The following ZNF317 variants were observed in gnomAD, a reference collection of about 807,000 sequenced individuals.
ZNF317 encodes the protein KRAB-containing zinc finger protein 317.
In ZNF317, 17 loss-of-function variants were observed where a neutral mutation model predicts 23.4. That is an observed-to-expected ratio of 0.73 (90% CI 0.50 to 1.09). ZNF317 has a LOEUF of 1.09. ZNF317 is among the 50% of genes least tolerant of loss of function. The pLI is 0.00. For synonymous variants in ZNF317, 317 were observed against 314.9 expected, an observed-to-expected ratio of 1.01 and a Z score of -0.07; for missense variants, 679 against 796.7, an observed-to-expected ratio of 0.85 and a Z score of 1.78.
chr19:9,157,095 TG>T, intron 3 of ZNF317, 172 bp from the exon 4 acceptor site: 2 of 779,920 alleles, frequency 2.6e-6, no homozygotes, highest in Non-Finnish European at 4.0e-6. Flanking sequence ...ATGGCCTCAA[TG>T]GGGAGAGAGG....
intron 1 of ZNF317, among the ~76,000 whole-genome samples, chr19:9,144,788 G>A (rs1474066748): frequency 6.6e-6 from 1 of 151,806 alleles, no homozygotes; most frequent in Non-Finnish European, 1.5e-5. Flanking sequence ...ACACTTTTTG[G>A]TGTAATTCTT....
intron 6 of ZNF317, among the ~76,000 whole-genome samples, chr19:9,159,589 C>G (rs932134170): frequency 4.6e-5 from 7 of 151,584 alleles, no homozygotes; most frequent in African/African-American, 1.7e-4. Context: ...TCTTGTCACC[C>G]AGGCTGGAGT....
intron 1 of ZNF317, among the ~76,000 whole-genome samples, chr19:9,145,685 C>T (rs1290525454): frequency 6.6e-6 from 1 of 152,192 alleles, no homozygotes; most frequent in Non-Finnish European, 1.5e-5. Context: ...TGCCTAGGCT[C>T]CTTCTCTGTC....
chr19:9,156,697 C>G lies in ZNF317; in HGVS notation c.111C>G (p.Asp37Glu). The change falls in exon 3 of 7, where the codon GAC becomes GAG. Residue 37 changes from aspartate (D) to glutamate (E), a missense_variant. Transcript: ENST00000247956. ...ACCATTCCTGTCCCCAGAATTTGGA[C>G]CTGTTCGTGTGCAGTGGTCTGGAGC... ...SKDHSCPQNL[D>E]LFVCSGLEPH... 2 of 1,614,156 alleles carry G rather than the reference C, an allele frequency of 1.2e-6. No homozygotes were observed. Among genetic ancestry groups the G allele is most frequent in the Admixed American group, 3.3e-5 (2 of 59,998 alleles).
At chr19:9,147,295 A>G (rs1416449713) in intron 1 of ZNF317, among the ~76,000 whole-genome samples, 1 of 151,418 alleles carries the variant, frequency 6.6e-6, no homozygotes, top group Non-Finnish European at 1.5e-5. Flanking sequence ...TGTCCGTTCT[A>G]ACTCATCCAT....
In ZNF317 at chr19:9,157,366, G is replaced by A; in HGVS notation, c.261G>A (p.Leu87=). Residue 87 remains leucine, a synonymous_variant, in exon 4 of 7, where the codon CTG becomes CTA. Coordinates refer to ENST00000247956, the MANE Select transcript of ZNF317 (RefSeq NM_020933.5). ...GAAAACTGTACAAAGATGTAATGCTGGAGAACTACAGCAACCTCACTTCAC... is the reference window on the plus strand; with the variant it reads ...GAAAACTGTACAAAGATGTAATGCTAGAGAACTACAGCAACCTCACTTCAC... ...SQRKLYKDVM[L]ENYSNLTSLG... The A allele has an allele frequency of 1.2e-6, 2 of 1,614,054 alleles. No individual in the cohort carries two copies. Among genetic ancestry groups the A allele is most frequent in the Non-Finnish European group, 1.7e-6 (2 of 1,179,986 alleles).
chr19:9,143,949 T>G (rs1001049821), intron 1 of ZNF317, among the ~76,000 whole-genome samples: 5 of 150,268 alleles, frequency 3.3e-5, no homozygotes, highest in South Asian at 2.1e-4. Flanking sequence ...ACTTGCCTTA[T>G]ATATCCTTTT....
rs557191375 is a variant in ZNF317, at chr19:9,148,045, G to C, written c.-93+7453G>C. ...CTCCCAACCCTGCTGTCTTGCTCCT[G>C]CTTCACCATATGCTTTGCCTGCTTC... On this transcript the variant is annotated intron_variant, in intron 1 of 6. Coordinates refer to ENST00000247956, the MANE Select transcript of ZNF317 (RefSeq NM_020933.5). Among the ~76,000 whole-genome samples the C allele has an allele frequency of 9.2e-5, 14 of 152,182 alleles. No individual in the cohort carries two copies. In the South Asian group the frequency reaches 2.1e-3, roughly 23 times the overall value.
chr19:9,142,560 T>G (rs1450773218), intron 1 of ZNF317, among the ~76,000 whole-genome samples: 2 of 147,230 alleles, frequency 1.4e-5, no homozygotes, highest in African/African-American at 2.5e-5. Context: ...TTTTTTTTTT[T>G]GCCATTATGT....
chr19:9,153,148 T>TTTTTG (rs1435101178), intron 1 of ZNF317, among the ~76,000 whole-genome samples: 29 of 143,990 alleles, frequency 2.0e-4, no homozygotes, highest in African/African-American at 7.2e-4. Context: ...AGGTAGTTGT[T>TTTTTG]TTTGTTTGTT....
intron 2 of ZNF317, 129 bp downstream of exon 2, chr19:9,156,170 A>C (rs942809469): frequency 8.2e-7 from 1 of 1,220,528 alleles, no homozygotes; most frequent in Non-Finnish European, 1.2e-6. Context: ...AAGGGGTGGG[A>C]ACAGAGCCCC....
intron 1 of ZNF317, among the ~76,000 whole-genome samples, chr19:9,147,781 T>C (rs1449738415): frequency 1.3e-5 from 2 of 152,200 alleles, no homozygotes; most frequent in East Asian, 3.9e-4. Flanking sequence ...TTTGTATTCA[T>C]GGCCACCAGT....
chr19:9,152,609 T>C (rs1231370432), intron 1 of ZNF317, among the ~76,000 whole-genome samples: 1 of 152,228 alleles, frequency 6.6e-6, no homozygotes, highest in African/African-American at 2.4e-5. Flanking sequence ...TCTGTCAGTG[T>C]CTCCCATCAC....
At chr19:9,141,197 C>T (rs1420340058) in intron 1 of ZNF317, among the ~76,000 whole-genome samples, 2 of 152,172 alleles carry the variant, frequency 1.3e-5, no homozygotes, top group African/African-American at 2.4e-5. Flanking sequence ...ATTTTACCGT[C>T]TTATTTTGTG....
intron 1 of ZNF317, among the ~76,000 whole-genome samples, chr19:9,149,840 G>A (rs2050720585): frequency 6.6e-6 from 1 of 152,212 alleles, no homozygotes; most frequent in Non-Finnish European, 1.5e-5. Flanking sequence ...GTCAGGGACA[G>A]CAGCTGGGAG....
chr19:9,155,888 C>T, intron 1 of ZNF317, 37 bp from the exon 2 acceptor site: 1 of 1,150,648 alleles, frequency 8.7e-7, no homozygotes, highest in Non-Finnish European at 1.3e-6. Flanking sequence ...AGACAGATAG[C>T]CTTTCACTAC....
chr19:9,163,146 G>T lies in ZNF317; in HGVS notation c.*1713G>T, dbSNP rs1480183824. On this transcript the variant is annotated 3_prime_UTR_variant, in exon 7 of 7. Transcript: ENST00000247956. ...CACATGGGCTTCTGAGAAAGCTCTT[G>T]AATGGGGATCGTTCTTAAACATGAA... 1 of 152,206 alleles carries T rather than the reference G, an allele frequency of 6.6e-6. No individual in the cohort carries two copies. The highest frequency in any genetic ancestry group is 1.5e-5 in the Non-Finnish European group (1 of 68,044). The allele number at this position is 152,206 out of a possible 1,614,324, so 9.4% of individuals were successfully genotyped here. A position where few individuals can be genotyped will look rare whatever the true frequency, so the allele number is the denominator to read the frequency against.
rs763488817 is a variant in ZNF317, at chr19:9,161,232, G to C, written c.1587G>C (p.Pro529=). ...TGCGAAGCCACACGGGGGAGAAACCGTACGAATGCGATCACTGTGGGAAGG... is the reference window on the plus strand; with the variant it reads ...TGCGAAGCCACACGGGGGAGAAACCCTACGAATGCGATCACTGTGGGAAGG... The part of the protein sequence containing the change: ...THMRSHTGEK[P]YECDHCGKAF... The change falls in exon 7 of 7, where the codon CCG becomes CCC. Residue 529 remains proline (P), a synonymous_variant. Transcript: ENST00000247956. The surrounding 1 kb of genome is among the most constrained non-coding windows in gnomAD (Gnocchi z 4.0). 6.2e-7 allele frequency: 1 copy of C among 1,614,014 alleles called. No homozygotes were observed. Among genetic ancestry groups the C allele is most frequent in the South Asian group, 1.1e-5 (1 of 91,084 alleles).
At chr19:9,143,795 A>T (rs10415658) in intron 1 of ZNF317, among the ~76,000 whole-genome samples, 3 of 144,132 alleles carry the variant, frequency 2.1e-5, no homozygotes, top group East Asian at 2.1e-4. Flanking sequence ...GCTGTGTTTT[A>T]TACACACAGG....
Sources: gnomAD v4.1 joint callset for allele counts (sites outside exome capture counted in the v4.1 genomes callset) on GRCh38, gnomAD v4.1.1 for gene constraint, Gnocchi (gnomAD v3.1) non-coding constraint, MANE v1.5 for transcripts, NCBI Gene and HGNC (gene_info 2026-07-23, HGNC 2026-07-21) for gene names.